The following TTBK2 variants were observed in gnomAD, a reference collection of about 807,000 sequenced individuals.
TTBK2 encodes tau-tubulin kinase 2.
A neutral mutation model predicts 110.8 loss-of-function variants in TTBK2; 28 were observed. The ratio of observed to expected loss-of-function variants is 0.25; its 90% CI spans 0.19 to 0.35. The LOEUF is 0.35. Among genes scored for constraint, TTBK2 ranks in the 10% least tolerant of loss-of-function variants. The pLI, the probability that TTBK2 is intolerant of heterozygous loss-of-function variation, is 1.00. For synonymous variants in TTBK2, 532 were observed against 527.3 expected (o/e 1.01, Z -0.12); for missense variants, 1,369 against 1,500.3 (o/e 0.91, Z 1.45).
chr15:42,798,244 G>A (rs917777871), intron 9 of TTBK2: 8 of 456,066 alleles, frequency 1.8e-5, no homozygotes, highest in Admixed American at 1.2e-4. Context: ...ATCAGAACAG[G>A]GACTCACTGT....
chr15:42,879,255 T>A (rs994135338), intron 1 of TTBK2, among the ~76,000 whole-genome samples: 25 of 151,980 alleles, frequency 1.6e-4, no homozygotes, highest in Admixed American at 3.9e-4. Context: ...CTAAAGGAGA[T>A]GAAAACTGTA....
At chr15:42,829,827 T>C (rs1026103732) in intron 5 of TTBK2, 111 bp downstream of exon 5, 5 of 1,446,532 alleles carry the variant, frequency 3.5e-6, no homozygotes, top group Non-Finnish European at 4.8e-6. Context: ...AAATATTACC[T>C]TGTATTTTAC....
intron 11 of TTBK2, 150 bp downstream of exon 11, chr15:42,783,269 C>A: frequency 2.7e-6 from 2 of 735,608 alleles, no homozygotes; most frequent in Non-Finnish European, 2.3e-6. Flanking sequence ...AAAAGAGATC[C>A]CTTTCCCCAT....
chr15:42,900,109 C>T (rs555343183), intron 1 of TTBK2, among the ~76,000 whole-genome samples: 1 of 151,868 alleles, frequency 6.6e-6, no homozygotes, highest in South Asian at 2.1e-4. Context: ...TCTCCTGCCT[C>T]AGCCTCCTGA....
intron 4 of TTBK2, among the ~76,000 whole-genome samples, chr15:42,838,002 G>GT: frequency 6.6e-6 from 1 of 152,214 alleles, no homozygotes; most frequent in African/African-American, 2.4e-5. Flanking sequence ...GAGGTTAGGA[G>GT]TTTAATGCCA....
At chr15:42,818,025 C>T (rs566444079) in intron 6 of TTBK2, among the ~76,000 whole-genome samples, 95 of 152,226 alleles carry the variant, frequency 6.2e-4, no homozygotes, top group African/African-American at 2.2e-3. Flanking sequence ...CCTTTACTAC[C>T]CCCAAATCAA....
intron 13 of TTBK2, among the ~76,000 whole-genome samples, chr15:42,767,880 C>A (rs760806494): frequency 6.6e-6 from 1 of 152,128 alleles, no homozygotes; most frequent in Admixed American, 6.5e-5. Flanking sequence ...ACCGGCAAAC[C>A]GAATCCAGCA....
intron 3 of TTBK2, among the ~76,000 whole-genome samples, chr15:42,855,433 A>T (rs1258620917): frequency 1.3e-5 from 2 of 152,200 alleles, no homozygotes; most frequent in African/African-American, 4.8e-5. Flanking sequence ...AAGTTTAAGG[A>T]ACATCTGAAA....
At chr15:42,879,957 ACT>A (rs1894972384) in intron 1 of TTBK2, among the ~76,000 whole-genome samples, 1 of 150,704 alleles carries the variant, frequency 6.6e-6, no homozygotes. Context: ...TGAAGGTGCC[ACT>A]GCATTCCAGC....
At chr15:42,759,277 G>A (rs2061989773) in intron 13 of TTBK2, among the ~76,000 whole-genome samples, 2 of 152,238 alleles carry the variant, frequency 1.3e-5, no homozygotes, top group African/African-American at 4.8e-5. Context: ...CCAAACCCCT[G>A]AGGAGCTGAC....
At position 42,766,349 on chromosome 15, in the gene TTBK2, A is replaced by G. The variant is rs190751884; in HGVS notation, c.1998+8786T>C. On this transcript the variant is annotated intron_variant, in intron 13 of 14. Transcript: ENST00000267890. ...CAAACTGGATAAAGAGTCAAGACCC[A>G]TAAGTGTGCTGTATTCAGGAGACCT... Among the ~76,000 whole-genome samples the G allele has an allele frequency of 7.9e-4, 119 of 151,336 alleles. 1 individual carries two copies. Among genetic ancestry groups the G allele is most frequent in the African/African-American group, 2.7e-3 (112 of 40,968 alleles).
intron 13 of TTBK2, among the ~76,000 whole-genome samples, chr15:42,764,575 G>A (rs902264738): frequency 1.3e-5 from 2 of 152,270 alleles, no homozygotes; most frequent in Non-Finnish European, 2.9e-5. Flanking sequence ...CCATTGCTGA[G>A]GCTTGAGTAG....
intron 3 of TTBK2, among the ~76,000 whole-genome samples, chr15:42,868,088 A>T (rs984596977): frequency 6.6e-6 from 1 of 152,224 alleles, no homozygotes; most frequent in Non-Finnish European, 1.5e-5. Flanking sequence ...TTAAAGAGAA[A>T]GTAAAAAGAT....
intron 1 of TTBK2, among the ~76,000 whole-genome samples, chr15:42,909,202 C>T (rs1332247964): frequency 6.6e-6 from 1 of 152,206 alleles, no homozygotes; most frequent in African/African-American, 2.4e-5. Context: ...TATTCACAGG[C>T]TCAATTCTTA....
intron 13 of TTBK2, among the ~76,000 whole-genome samples, chr15:42,770,607 A>G (rs1889626441): frequency 6.6e-6 from 1 of 152,222 alleles, no homozygotes; most frequent in Admixed American, 6.5e-5. Flanking sequence ...TTGAAGTGTA[A>G]TATCAAATAC....
rs539893785 is a variant in TTBK2, at chr15:42,801,897, C to T, written c.823-7096G>A. The T allele has an allele frequency of 3.1e-5, 46 of 1,491,320 alleles. 1 individual carries two copies. In the African/African-American group the frequency reaches 3.2e-4, roughly 10 times the overall value. 92.4% of individuals were successfully genotyped at this position (1,491,320 alleles called of 1,614,324 possible). The stretch of plus-strand genomic sequence containing the variant: ...CCTCATACTTGTTCCTGAAGTCCTC[C>T]ACCAGCCCATGCATGTTGCCAAGCT... On this transcript the variant is annotated intron_variant, in intron 9 of 14. Coordinates refer to ENST00000267890, the MANE Select transcript of TTBK2 (RefSeq NM_173500.4).
intron 13 of TTBK2, among the ~76,000 whole-genome samples, chr15:42,764,473 G>A (rs568798379): frequency 1.6e-4 from 25 of 152,382 alleles, no homozygotes; most frequent in South Asian, 1.0e-3. Flanking sequence ...CAGGCTCAGC[G>A]GGTCCCACGC....
chr15:42,802,877 C>T (rs1891286255), intron 9 of TTBK2, among the ~76,000 whole-genome samples: 1 of 152,184 alleles, frequency 6.6e-6, no homozygotes. Context: ...ACTATCTAAT[C>T]AGATGCCAGT....
intron 3 of TTBK2, among the ~76,000 whole-genome samples, chr15:42,858,341 A>G (rs1300868652): frequency 2.6e-5 from 4 of 152,242 alleles, no homozygotes; most frequent in Non-Finnish European, 5.9e-5. Context: ...TACATACTCA[A>G]AAAATTATAT....
Sources: allele counts gnomAD v4.1 joint callset (sites outside exome capture counted in the v4.1 genomes callset), GRCh38; gene constraint gnomAD v4.1.1; transcripts MANE v1.5; gene names NCBI Gene and HGNC (gene_info 2026-07-23, HGNC 2026-07-21).